Variants in ASIP observed in about 807,000 individuals in gnomAD.
ASIP encodes agouti signaling protein, also known as agouti-signaling protein.
Under a neutral mutation model 10.3 loss-of-function variants are expected in ASIP, and 11 were observed. The observed-to-expected ratio is 1.07, with a 90% confidence interval of 0.68 to 1.78. The LOEUF (loss-of-function observed/expected upper bound fraction) is 1.78. Among genes scored for constraint, ASIP ranks in the 40% most tolerant of loss-of-function variants. ASIP has a pLI of 0.00. For missense variants in ASIP, 180 were observed against 169.2 expected (o/e 1.06, Z -0.35); for synonymous variants, 70 against 70.8 (o/e 0.99, Z 0.06).
Position 34,200,948 on chromosome 20 carries a change from T to TTTTCTTTCTTTCTTTC in ASIP, c.-11+6197_-11+6212dup, listed in dbSNP as rs1180213511. On this transcript the variant is annotated intron_variant, in intron 1 of 3. Coordinates refer to the ASIP transcript ENST00000568305. ...AGTGTTAGCTGTGTTTCAAACTTGA[T>TTTTCTTTCTTTCTTTC]TTTCTTTCTTTCTTTCTTTCTTTCC... 1.4e-4 allele frequency among the ~76,000 whole-genome samples: 20 copies of TTTTCTTTCTTTCTTTC among 140,952 alleles called. 3 individuals carry two copies. The highest frequency in any genetic ancestry group is 5.7e-4 in the African/African-American group (20 of 35,274). 92.5% of individuals were successfully genotyped at this position (140,952 alleles called of 152,430 possible). A position where few individuals can be genotyped will look rare whatever the true frequency, so the allele number is the denominator to read the frequency against.
At chr20:34,201,017 C>CTTCTTTCTTTCTTTCTTTCTTTCTTTCT (rs1215561275) in intron 1 of ASIP, among the ~76,000 whole-genome samples, 29 of 63,436 alleles carry the variant, frequency 4.6e-4, no homozygotes, top group Non-Finnish European at 7.1e-4. Context: ...TCCTTCCTTC[C>CTTCTTTCTTTCTTTCTTTCTTTCTTTCT]TTCTTTCTTT....
intron 1 of ASIP, among the ~76,000 whole-genome samples, chr20:34,251,546 T>C (rs368468012): frequency 3.9e-5 from 6 of 152,128 alleles, no homozygotes; most frequent in East Asian, 3.9e-4. Context: ...AGTGCTGGGA[T>C]TACAGGCATG....
rs1222754877 is a variant in ASIP, at chr20:34,269,176, A to G, written c.*9A>G. ...TCAGCCTCAACTGCTGAGCGCCCCC[A>G]CTCCCGGCCGCGAGCAGGCAGGGCT... On this transcript the variant is annotated 3_prime_UTR_variant, in exon 4 of 4. Transcript: ENST00000374954. 1.2e-5 allele frequency: 18 copies of G among 1,495,600 alleles called. No homozygotes were observed. The highest frequency in any genetic ancestry group is 1.5e-5 in the African/African-American group (1 of 68,838). The allele number at this position is 1,495,600 out of a possible 1,614,324, so 92.6% of individuals were successfully genotyped here. A position where few individuals can be genotyped will look rare whatever the true frequency, so the allele number is the denominator to read the frequency against.
chr20:34,257,066 TTC>T lies in ASIP; in HGVS notation c.-10-3295_-10-3294del, dbSNP rs755289503. Among the ~76,000 whole-genome samples the T allele has an allele frequency of 3.2e-5, 3 of 93,550 alleles. 1 individual carries two copies. Among genetic ancestry groups the T allele is most frequent in the South Asian group, 6.3e-4 (2 of 3,200 alleles). 61.4% of individuals were successfully genotyped at this position (93,550 alleles called of 152,430 possible). A position where few individuals can be genotyped will look rare whatever the true frequency, so the allele number is the denominator to read the frequency against. ...TTTCTTTCTTTCTCTCTCTCTTTCT[TTC>T]TCTTTTTTTTTTTTGTTTTTTGTTT... is the stretch of plus-strand genomic sequence containing the variant. On this transcript the variant is annotated intron_variant, in intron 1 of 3. Transcript: ENST00000374954.
rs1455904899 is a variant in ASIP, at chr20:34,262,885, T to C, written c.214T>C (p.Ser72Pro). The C allele has an allele frequency of 3.7e-6, 6 of 1,613,994 alleles. No homozygotes were observed. The Admixed American group carries it at 8.3e-5, about 22-fold the overall frequency. Reference sequence around the variant, plus strand: ...CAGAAAAGCAGCAGAAAAGAAAAGATCTTCTAAGGTAAGGGCAGGGAAGTT... The same window carrying C: ...CAGAAAAGCAGCAGAAAAGAAAAGACCTTCTAAGGTAAGGGCAGGGAAGTT... The part of the protein sequence containing the change: ...IGRKAAEKKR[S>P]SKKEASMKKV... The change falls in exon 3 of 4, where the codon TCT becomes CCT. Residue 72 changes from serine (S) to proline (P), a missense_variant. Transcript: ENST00000374954.
At chr20:34,234,279 G>A (rs749248979) in intron 1 of ASIP, among the ~76,000 whole-genome samples, 1 of 152,190 alleles carries the variant, frequency 6.6e-6, no homozygotes, top group Non-Finnish European at 1.5e-5. Flanking sequence ...CTGCCAGTCT[G>A]TAATCTTCTA....
intron 1 of ASIP, among the ~76,000 whole-genome samples, 200 bp downstream of exon 1, chr20:34,241,689 C>G (rs1601590579): frequency 6.6e-6 from 1 of 152,194 alleles, no homozygotes; most frequent in Non-Finnish European, 1.5e-5. Flanking sequence ...TGGCTTCTTT[C>G]TCTTTACTCT....
At chr20:34,190,864 G>T (rs2034820766), upstream of ASIP, among the ~76,000 whole-genome samples, 1 of 152,162 alleles carries the variant, frequency 6.6e-6, no homozygotes, top group African/African-American at 2.4e-5. Flanking sequence ...TGCAACTTCT[G>T]CCCAGCTTCC....
At chr20:34,241,562 T>C (rs1047740830) in intron 1 of ASIP, 73 bp downstream of exon 1, 1 of 979,472 alleles carries the variant, frequency 1.0e-6, no homozygotes, top group African/African-American at 1.8e-5. Flanking sequence ...TGAAAGGACT[T>C]AACAGTTATC....
chr20:34,246,145 G>T, intron 1 of ASIP: 1 of 987,938 alleles, frequency 1.0e-6, no homozygotes, highest in East Asian at 2.4e-5. Flanking sequence ...AAGTTGCAAG[G>T]CCACACACTC....
At chr20:34,213,906 A>G (rs1280237093) in intron 1 of ASIP, 4 of 1,587,036 alleles carry the variant, frequency 2.5e-6, no homozygotes, top group Non-Finnish European at 3.4e-6. Context: ...ATCCAACAGC[A>G]TGGTTGAGAC....
chr20:34,198,220 G>A (rs532183852), intron 1 of ASIP, among the ~76,000 whole-genome samples: 1 of 152,070 alleles, frequency 6.6e-6, no homozygotes, highest in South Asian at 2.1e-4. Flanking sequence ...CTCCCAAGTA[G>A]CTGGGACTAC....
At chr20:34,258,205 T>C (rs1291539750) in intron 1 of ASIP, among the ~76,000 whole-genome samples, 4 of 152,094 alleles carry the variant, frequency 2.6e-5, no homozygotes, top group Middle Eastern at 3.4e-3. Context: ...TTAGTAGATA[T>C]TGATGGAGCA....
At chr20:34,189,302 G>A in the ASIP span, among the ~76,000 whole-genome samples, 1 of 152,226 alleles carries the variant, frequency 6.6e-6, no homozygotes, top group Non-Finnish European at 1.5e-5. Flanking sequence ...GAGTGCAGTG[G>A]CGTGATCTCG....
chr20:34,201,005 CTTCCTTCCTTCCTTCTTTCTTTCT>C (rs1357977517), intron 1 of ASIP, among the ~76,000 whole-genome samples: 7 of 60,938 alleles, frequency 1.1e-4, no homozygotes, highest in Non-Finnish European at 1.7e-4. Flanking sequence ...TCCTTCCTTC[CTTCCTTCCTTCCTTCTTTCTTTCT>C]TTCTTTCTTT....
chr20:34,221,356 C>G lies in ASIP; in HGVS notation c.-11+26596C>G, dbSNP rs536390804. Among the ~76,000 whole-genome samples the G allele has an allele frequency of 3.3e-5, 5 of 150,652 alleles. No homozygotes were observed. The East Asian group carries it at 9.8e-4, about 29-fold the overall frequency. On this transcript the variant is annotated intron_variant, in intron 1 of 3. Coordinates refer to the ASIP transcript ENST00000568305. ...TCGCGCCACTGCACTCCAGCCTGGGCGACAGAGCGAGACTCTGTCTCAAAA... is the reference window on the plus strand; with the variant it reads ...TCGCGCCACTGCACTCCAGCCTGGGGGACAGAGCGAGACTCTGTCTCAAAA...
Position 34,257,076 on chromosome 20 carries a change from TTTTTTTG to T in ASIP, c.-10-3267_-10-3261del, listed in dbSNP as rs547414410. ...TCTCTCTCTCTTTCTTTCTCTTTTT[TTTTTTTG>T]TTTTTTGTTTTTTGTTTTTTGAGAC... On this transcript the variant is annotated intron_variant, in intron 1 of 3. Coordinates refer to ENST00000374954, the MANE Select transcript of ASIP (RefSeq NM_001672.3). 9.1e-3 allele frequency among the ~76,000 whole-genome samples: 1,380 copies of T among 151,120 alleles called. 13 individuals carry two copies. The highest frequency in any genetic ancestry group is 0.032 in the African/African-American group (1,299 of 40,838).
chr20:34,202,408 A>G (rs2034905606), intron 1 of ASIP, among the ~76,000 whole-genome samples: 1 of 152,378 alleles, frequency 6.6e-6, no homozygotes, highest in African/African-American at 2.4e-5. Flanking sequence ...AACAGTACAT[A>G]TGATGAAATG....
Position 34,262,117 on chromosome 20 carries a change from G to GA in ASIP, c.161-705dup, listed in dbSNP as rs950280654. Among the ~76,000 whole-genome samples, 186 of 141,210 alleles carry GA rather than the reference G, an allele frequency of 1.3e-3. 1 individual carries two copies. The highest frequency in any genetic ancestry group is 4.5e-3 in the South Asian group (20 of 4,474). The allele number at this position is 141,210 out of a possible 152,430, so 92.6% of individuals were successfully genotyped here. A position where few individuals can be genotyped will look rare whatever the true frequency, so the allele number is the denominator to read the frequency against. On this transcript the variant is annotated intron_variant, in intron 2 of 3. Transcript: ENST00000374954. ...AACAGAGTGAGACTCTGTCTCAAAA[G>GA]AAAAAAAAAAGAAGAAGAAGAAAGA...
Sources: gnomAD v4.1 joint callset for allele counts (sites outside exome capture counted in the v4.1 genomes callset) on GRCh38, gnomAD v4.1.1 for gene constraint, MANE v1.5 for transcripts, NCBI Gene and HGNC (gene_info 2026-07-23, HGNC 2026-07-21) for gene names.